Variants in RNMT observed in about 807,000 individuals in gnomAD.
RNMT encodes RNA guanine-7 methyltransferase.
RNMT carries 27 observed loss-of-function variants against 56.0 expected under a neutral mutation model. That is an observed-to-expected ratio of 0.48 (90% CI 0.36 to 0.67). The LOEUF (loss-of-function observed/expected upper bound fraction) is 0.67, where lower values mean the gene tolerates loss of function less well. Among genes scored for constraint, RNMT ranks in the 30% least tolerant of loss-of-function variants. The pLI is 0.00. For synonymous variants in RNMT, 184 were observed against 176.2 expected (o/e 1.04, Z -0.35); for missense variants, 519 against 552.1 (o/e 0.94, Z 0.60).
At chr18:13,758,564 A>AAG (rs562373965) in intron 11 of RNMT, among the ~76,000 whole-genome samples, 1 of 152,112 alleles carries the variant, frequency 6.6e-6, no homozygotes, top group South Asian at 2.1e-4. Context: ...CATAGAATTG[A>AAG]AGAGAGAGAG....
At chr18:13,749,143 G>T (rs1429388131) in intron 9 of RNMT, among the ~76,000 whole-genome samples, 2 of 152,172 alleles carry the variant, frequency 1.3e-5, no homozygotes, top group Non-Finnish European at 2.9e-5. Context: ...GTATTGGTTG[G>T]TCTTTCAAAA....
At chr18:13,737,173 G>A (rs1300289841) in intron 5 of RNMT, 38 bp downstream of exon 5, 15 of 1,520,160 alleles carry the variant, frequency 9.9e-6, no homozygotes, top group East Asian at 2.3e-5. Context: ...ATAATTTGTA[G>A]TCAGATAAAT....
chr18:13,741,055 T>C (rs912744585), intron 6 of RNMT, among the ~76,000 whole-genome samples: 2 of 152,256 alleles, frequency 1.3e-5, no homozygotes, highest in Non-Finnish European at 2.9e-5. Flanking sequence ...TGAACTGTTA[T>C]AGATACCTTT....
intron 5 of RNMT, among the ~76,000 whole-genome samples, chr18:13,738,223 G>A (rs1433516956): frequency 6.6e-6 from 1 of 152,064 alleles, no homozygotes; most frequent in Non-Finnish European, 1.5e-5. Flanking sequence ...TGTAATTATG[G>A]TAAGTAGCTA....
At chr18:13,731,450 T>A in intron 2 of RNMT, 26 bp from the exon 3 acceptor site, 1 of 1,279,512 alleles carries the variant, frequency 7.8e-7, no homozygotes, top group Middle Eastern at 2.0e-4. Context: ...TGTTTACAAG[T>A]AATACCAATT....
intron 1 of RNMT, among the ~76,000 whole-genome samples, chr18:13,729,259 G>A (rs946893680): frequency 6.6e-6 from 1 of 152,148 alleles, no homozygotes; most frequent in Admixed American, 6.5e-5. Context: ...TAAACATGAT[G>A]CTTGGTTTTA....
At chr18:13,730,098 A>C (rs150974854) in intron 1 of RNMT, among the ~76,000 whole-genome samples, 9 of 152,346 alleles carry the variant, frequency 5.9e-5, no homozygotes. Context: ...CGAAAGCTTA[A>C]CATTTTAATA....
chr18:13,745,887 G>A (rs914802161), intron 8 of RNMT, among the ~76,000 whole-genome samples: 2 of 152,176 alleles, frequency 1.3e-5, no homozygotes, highest in Non-Finnish European at 2.9e-5. Flanking sequence ...TGTTTGCAGT[G>A]CAGCTGTGAG....
chr18:13,746,458 A>G (rs2044354009), intron 9 of RNMT, 121 bp downstream of exon 9: 5 of 694,286 alleles, frequency 7.2e-6, no homozygotes, highest in African/African-American at 1.8e-5. Context: ...TTCAGCACCT[A>G]GGACGGAGCT....
At chr18:13,755,889 C>T (rs2044534654) in intron 11 of RNMT, among the ~76,000 whole-genome samples, 1 of 152,100 alleles carries the variant, frequency 6.6e-6, no homozygotes, top group Admixed American at 6.6e-5. Flanking sequence ...GGACTTTAGT[C>T]ATCATGTACA....
chr18:13,734,607 C>G lies in RNMT; in HGVS notation c.553+8C>G, dbSNP rs774174036. Reference sequence around the variant, plus strand: ...TGAAAAGTGTTCTCATTGGTATGATCCAACACCAAGCTACTGAGTCTTTAA... The same window carrying G: ...TGAAAAGTGTTCTCATTGGTATGATGCAACACCAAGCTACTGAGTCTTTAA... On this transcript the variant is annotated splice_region_variant and intron_variant, in intron 4 of 11. Transcript: ENST00000383314. 7 of 1,598,692 alleles carry G rather than the reference C, an allele frequency of 4.4e-6. No individual in the cohort carries two copies. Among genetic ancestry groups the G allele is most frequent in the Non-Finnish European group, 6.0e-6 (7 of 1,173,294 alleles).
At chr18:13,741,221 T>G (rs1299378449) in intron 6 of RNMT, among the ~76,000 whole-genome samples, 3 of 152,258 alleles carry the variant, frequency 2.0e-5, no homozygotes, top group Admixed American at 1.3e-4. Flanking sequence ...TGTCATTTTA[T>G]TTTAGCTGTC....
chr18:13,762,342 G>C lies in RNMT; in HGVS notation c.*2363G>C. The C allele has an allele frequency of 1.4e-6, 1 of 694,402 alleles. No homozygotes were observed. Among genetic ancestry groups the C allele is most frequent in the Non-Finnish European group, 2.3e-6 (1 of 431,892 alleles). 43.0% of individuals were successfully genotyped at this position (694,402 alleles called of 1,614,324 possible). ...TGGCTTGTGTTCAGGGAGAGGAGCT[G>C]GCAGTTTTTAACCACTTCTGTGGGA... On this transcript the variant is annotated 3_prime_UTR_variant, in exon 12 of 12. Transcript: ENST00000383314.
chr18:13,739,693 T>C (rs753500611), intron 5 of RNMT, among the ~76,000 whole-genome samples: 2 of 152,008 alleles, frequency 1.3e-5, no homozygotes, highest in Non-Finnish European at 2.9e-5. Context: ...GGCTGAGGTA[T>C]GAGAATCACT....
chr18:13,730,793 A>G (rs1310414149), intron 2 of RNMT, 38 bp downstream of exon 2: 2 of 152,260 alleles, frequency 1.3e-5, no homozygotes, highest in Non-Finnish European at 2.9e-5. Flanking sequence ...ACTGTGCTGT[A>G]CTTAAAGCTG....
chr18:13,743,050 C>G (rs1310067675), intron 8 of RNMT: 1 of 156,508 alleles, frequency 6.4e-6, no homozygotes, highest in Non-Finnish European at 1.4e-5. Context: ...TCCGGCCGGG[C>G]GCGGTGGCTC....
chr18:13,753,619 A>C (rs1003072539), intron 10 of RNMT, among the ~76,000 whole-genome samples: 1 of 150,470 alleles, frequency 6.6e-6, no homozygotes, highest in Non-Finnish European at 1.5e-5. Flanking sequence ...AAAACGCAAA[A>C]AGTTAGCTAG....
At chr18:13,750,552 C>T (rs117892207) in intron 9 of RNMT, among the ~76,000 whole-genome samples, 2,729 of 151,994 alleles carry the variant, frequency 0.018, 32 homozygotes, top group Middle Eastern at 0.061. Context: ...GTGATCTCAG[C>T]GCTTTGGGAG....
rs762388004 is a variant in RNMT at position 13,762,125 on chromosome 18, G to T, written c.*2146G>T. 7.2e-6 allele frequency: 11 copies of T among 1,535,876 alleles called. No homozygotes were observed. In the South Asian group the frequency reaches 1.2e-4, roughly 17 times the overall value. ...TGTTGCTGCAAGCTCAGTGAAGTGGGGCACTCCCAGACCTGCCATGCAGTT... is the reference window on the plus strand; with the variant it reads ...TGTTGCTGCAAGCTCAGTGAAGTGGTGCACTCCCAGACCTGCCATGCAGTT... On this transcript the variant is annotated 3_prime_UTR_variant, in exon 12 of 12. Coordinates refer to ENST00000383314, the MANE Select transcript of RNMT (RefSeq NM_003799.3).
Sources: gnomAD v4.1 joint callset for allele counts (sites outside exome capture counted in the v4.1 genomes callset) on GRCh38, gnomAD v4.1.1 for gene constraint, MANE v1.5 for transcripts, NCBI Gene and HGNC (gene_info 2026-07-23, HGNC 2026-07-21) for gene names.